The following ATP2B2 variants were observed in gnomAD, a reference collection of about 807,000 sequenced individuals.
ATP2B2 encodes plasma membrane calcium-transporting ATPase 2.
A neutral mutation model predicts 120.0 loss-of-function variants in ATP2B2; 15 were observed. That is an observed-to-expected ratio of 0.12 (90% CI 0.08 to 0.19). The LOEUF is 0.19. Among genes scored for constraint, ATP2B2 ranks in the 10% least tolerant of loss-of-function variants. The pLI, the probability that ATP2B2 is intolerant of heterozygous loss-of-function variation, is 1.00. For synonymous variants in ATP2B2, 694 were observed against 700.3 expected (o/e 0.99, Z 0.14); for missense variants, 1,045 against 1,719.8 (o/e 0.61, Z 6.94).
chr3:10,604,851 C>G (rs552115340), intron 2 of ATP2B2, among the ~76,000 whole-genome samples: 1 of 152,178 alleles, frequency 6.6e-6, no homozygotes, highest in Non-Finnish European at 1.5e-5. Context: ...TTTCACAGCT[C>G]GTGGGTGTGG....
intron 9 of ATP2B2, among the ~76,000 whole-genome samples, chr3:10,378,823 C>T (rs1190740469): frequency 6.6e-6 from 1 of 152,010 alleles, no homozygotes; most frequent in Non-Finnish European, 1.5e-5. Context: ...ACAGGAGGGA[C>T]AAAAAAGGAG....
At chr3:10,338,092 T>C in intron 22 of ATP2B2, 84 bp downstream of exon 22, 1 of 1,579,656 alleles carries the variant, frequency 6.3e-7, no homozygotes, top group African/African-American at 1.3e-5. Flanking sequence ...AGCTGGGCCC[T>C]GGGGGGCAGC....
intron 1 of ATP2B2, among the ~76,000 whole-genome samples, chr3:10,697,477 C>A (rs1376753466): frequency 6.6e-5 from 10 of 152,204 alleles, no homozygotes; most frequent in Non-Finnish European, 2.9e-5. Flanking sequence ...CAATACCCAA[C>A]ATACAGTAGG....
rs144941662 is a variant in ATP2B2 at position 10,390,638 on chromosome 3, C to T, written c.782-2236G>A. 8.7e-3 allele frequency among the ~76,000 whole-genome samples: 1,330 copies of T among 152,288 alleles called. 13 individuals are homozygous for T. Among genetic ancestry groups the T allele is most frequent in the Non-Finnish European group, 0.013 (877 of 68,014 alleles). On this transcript the variant is annotated intron_variant, in intron 5 of 22. Coordinates refer to ENST00000360273, the MANE Select transcript of ATP2B2 (RefSeq NM_001001331.4). ...TCAGGCACGTAAATGCCAGCCTCTC[C>T]CTGCACAGATGCAGAAACCAAGTCA...
chr3:10,379,087 T>C (rs1197002793), intron 9 of ATP2B2, among the ~76,000 whole-genome samples, 156 bp downstream of exon 9: 1 of 152,160 alleles, frequency 6.6e-6, no homozygotes, highest in Non-Finnish European at 1.5e-5. Context: ...CCTGGCACCA[T>C]GCAAATCACA....
chr3:10,463,041 GC>G (rs1376202064), intron 1 of ATP2B2, among the ~76,000 whole-genome samples: 3 of 152,158 alleles, frequency 2.0e-5, no homozygotes, highest in African/African-American at 7.2e-5. Flanking sequence ...TCTACCACCT[GC>G]TTTTCCATTA....
In ATP2B2 at chr3:10,667,348, T is replaced by A. The variant is rs541185531; in HGVS notation, c.-460+40567A>T. 2.6e-5 allele frequency among the ~76,000 whole-genome samples: 4 copies of A among 152,258 alleles called. No homozygotes were observed. The South Asian group carries it at 8.3e-4, about 32-fold the overall frequency. Reference sequence around the variant, plus strand: ...GCCTCTCAGACACCACAATATTATGTCTTTGGGTGATTCAGAGACATCTCT... The same window carrying A: ...GCCTCTCAGACACCACAATATTATGACTTTGGGTGATTCAGAGACATCTCT... On this transcript the variant is annotated intron_variant, in intron 1 of 21. Coordinates refer to the ATP2B2 transcript ENST00000646379.
chr3:10,453,561 T>C (rs985987325), intron 1 of ATP2B2, among the ~76,000 whole-genome samples: 1 of 152,194 alleles, frequency 6.6e-6, no homozygotes, highest in Non-Finnish European at 1.5e-5. Flanking sequence ...ATCTCCCTCA[T>C]GAGGTTCTTA....
chr3:10,538,178 C>T (rs1013120816), intron 2 of ATP2B2, among the ~76,000 whole-genome samples: 5 of 152,106 alleles, frequency 3.3e-5, no homozygotes, highest in Non-Finnish European at 5.9e-5. Flanking sequence ...TTGTTTCTTC[C>T]TCTTCTATTT....
At chr3:10,401,132 G>A (rs2062205603) in intron 4 of ATP2B2, 54 bp from the exon 5 acceptor site, 1 of 1,606,540 alleles carries the variant, frequency 6.2e-7, no homozygotes. Context: ...CTAGAGGGCT[G>A]GAACATTCCC....
In ATP2B2 at chr3:10,596,780, C is replaced by T. The variant is rs1024834519; in HGVS notation, c.-415+23137G>A. Reference sequence around the variant, plus strand: ...TCTGTCCTTTAAGATGAAAACTCTACAGCCAGCTGCCAGCAGCAGCTCAGG... The same window carrying T: ...TCTGTCCTTTAAGATGAAAACTCTATAGCCAGCTGCCAGCAGCAGCTCAGG... On this transcript the variant is annotated intron_variant, in intron 2 of 21. Transcript: ENST00000646379. 3.9e-5 allele frequency among the ~76,000 whole-genome samples: 6 copies of T among 152,336 alleles called. No homozygotes were observed. In the South Asian group the frequency reaches 1.2e-3, roughly 32 times the overall value.
intron 1 of ATP2B2, among the ~76,000 whole-genome samples, chr3:10,625,232 A>G (rs1178959600): frequency 6.6e-6 from 1 of 152,206 alleles, no homozygotes; most frequent in Non-Finnish European, 1.5e-5. Flanking sequence ...TGGCCTAGCT[A>G]AGAGACACAT....
At chr3:10,581,328 A>T (rs1332283014) in intron 2 of ATP2B2, among the ~76,000 whole-genome samples, 1 of 152,270 alleles carries the variant, frequency 6.6e-6, no homozygotes, top group Non-Finnish European at 1.5e-5. Flanking sequence ...GAAGAGGCAG[A>T]ATCTGAGCTG....
intron 1 of ATP2B2, among the ~76,000 whole-genome samples, chr3:10,479,902 G>A (rs979452000): frequency 6.6e-6 from 1 of 152,134 alleles, no homozygotes; most frequent in Non-Finnish European, 1.5e-5. Flanking sequence ...ACCAGCCTGG[G>A]CAACATGACA....
At chr3:10,552,394 C>CT (rs2067689181) in intron 2 of ATP2B2, among the ~76,000 whole-genome samples, 1 of 152,238 alleles carries the variant, frequency 6.6e-6, no homozygotes, top group Non-Finnish European at 1.5e-5. Flanking sequence ...TGGCAGCGTC[C>CT]TGCCTTCCGC....
intron 2 of ATP2B2, among the ~76,000 whole-genome samples, chr3:10,610,934 G>A (rs1051601824): frequency 3.3e-5 from 5 of 152,200 alleles, no homozygotes; most frequent in Non-Finnish European, 4.4e-5. Context: ...GTGACCACAC[G>A]AGGTTATAAC....
chr3:10,340,463 C>T lies in ATP2B2; in HGVS notation c.3129+30G>A, dbSNP rs566569363. On this transcript the variant is annotated intron_variant, in intron 20 of 22. Transcript: ENST00000360273. This position sits in a 1 kb window ranked among gnomAD's most constrained non-coding sequence, Gnocchi z 5.0. The stretch of plus-strand genomic sequence containing the variant: ...GGCTCCAGCCGCTTGCTGCCCACCC[C>T]GGGCCTGGTTAGGGTGGGGGCCTCA... The T allele has an allele frequency of 1.9e-5, 31 of 1,614,144 alleles. No homozygotes were observed. Among genetic ancestry groups the T allele is most frequent in the Middle Eastern group, 1.6e-4 (1 of 6,062 alleles).
intron 1 of ATP2B2, among the ~76,000 whole-genome samples, chr3:10,639,048 G>C (rs2070098733): frequency 6.6e-6 from 1 of 152,164 alleles, no homozygotes; most frequent in Admixed American, 6.5e-5. Flanking sequence ...TAGAACAAGG[G>C]ACAGAACTAT....
Position 10,471,364 on chromosome 3 carries a change from CTGTGTG to C in ATP2B2, c.-319-21508_-319-21503del, listed in dbSNP as rs58583936. Reference sequence around the variant, plus strand: ...TGGTTTTAAAAGGGGTTCAGGAAACCTGTGTGTGTGTGTGTGTGTGTGTGTGTGTGT... The same window carrying C: ...TGGTTTTAAAAGGGGTTCAGGAAACCTGTGTGTGTGTGTGTGTGTGTGTGT... On this transcript the variant is annotated intron_variant, in intron 1 of 22. Coordinates refer to ENST00000360273, the MANE Select transcript of ATP2B2 (RefSeq NM_001001331.4). 3.2e-3 allele frequency among the ~76,000 whole-genome samples: 475 copies of C among 150,394 alleles called. 4 individuals carry two copies. Among genetic ancestry groups the C allele is most frequent in the African/African-American group, 9.2e-3 (379 of 41,018 alleles).
Sources: gnomAD v4.1 joint callset for allele counts (sites outside exome capture counted in the v4.1 genomes callset) on GRCh38, gnomAD v4.1.1 for gene constraint, Gnocchi (gnomAD v3.1) non-coding constraint, MANE v1.5 for transcripts, NCBI Gene and HGNC (gene_info 2026-07-23, HGNC 2026-07-21) for gene names.